The following QTMAN variants were observed in gnomAD, a reference collection of about 807,000 sequenced individuals.
The protein encoded by QTMAN is queuosine-tRNA mannosyltransferase, also known as tRNA-queuosine alpha-mannosyltransferase.
chr2:144,211,074 G>C, the QTMAN span: 1 of 152,224 alleles, frequency 6.6e-6, no homozygotes, highest in South Asian at 2.1e-4. Flanking sequence ...TCATCATCTT[G>C]TCCTTTTCCA....
At chr2:144,019,263 A>G in the QTMAN span, among the ~76,000 whole-genome samples, 3 of 152,252 alleles carry the variant, frequency 2.0e-5, no homozygotes, top group African/African-American at 7.2e-5. Flanking sequence ...AATTCCTACT[A>G]AAATAATGGT....
At chr2:144,011,532 G>T in the QTMAN span, 2 of 697,978 alleles carry the variant, frequency 2.9e-6, no homozygotes, top group Non-Finnish European at 3.5e-6. Flanking sequence ...CAAGCAGTTT[G>T]CTTAATAATA....
the QTMAN span, among the ~76,000 whole-genome samples, chr2:144,292,800 A>G: frequency 6.6e-6 from 1 of 152,228 alleles, no homozygotes; most frequent in Admixed American, 6.5e-5. Flanking sequence ...TGTCTGATTT[A>G]TGGGGAATAA....
chr2:144,249,233 C>T, the QTMAN span, among the ~76,000 whole-genome samples: 1 of 152,136 alleles, frequency 6.6e-6, no homozygotes, highest in Non-Finnish European at 1.5e-5. Context: ...AGAAAACGCT[C>T]ATTTTTGTAT....
At chr2:144,096,968 T>C in the QTMAN span, among the ~76,000 whole-genome samples, 1 of 152,236 alleles carries the variant, frequency 6.6e-6, no homozygotes, top group Non-Finnish European at 1.5e-5. Flanking sequence ...ATCAGTTTTG[T>C]TCATACAGAT....
At chr2:144,182,852 T>TATATATATA in the QTMAN span, among the ~76,000 whole-genome samples, 59 of 60,188 alleles carry the variant, frequency 9.8e-4, no homozygotes, top group African/African-American at 4.1e-3. Context: ...ATATATATAT[T>TATATATATA]TTATATATAA....
chr2:144,084,249 A>G, the QTMAN span, among the ~76,000 whole-genome samples: 1 of 152,318 alleles, frequency 6.6e-6, no homozygotes, highest in East Asian at 1.9e-4. Flanking sequence ...TATCATCCAG[A>G]AGCTAGCTCT....
At chr2:144,292,264 T>C in the QTMAN span, among the ~76,000 whole-genome samples, 1 of 152,218 alleles carries the variant, frequency 6.6e-6, no homozygotes, top group Non-Finnish European at 1.5e-5. Context: ...CCTCTGCTCC[T>C]ATGTGAGACC....
At chr2:144,118,241 G>T in the QTMAN span, among the ~76,000 whole-genome samples, 18 of 152,206 alleles carry the variant, frequency 1.2e-4, no homozygotes, top group Admixed American at 2.0e-4. Context: ...TCAGCAAGTA[G>T]TATCAACTAA....
chr2:144,081,737 A>G, the QTMAN span, among the ~76,000 whole-genome samples: 1 of 152,156 alleles, frequency 6.6e-6, no homozygotes, highest in Non-Finnish European at 1.5e-5. Flanking sequence ...TTCTTGTCAC[A>G]CATCTCCATA....
At chr2:144,131,038 A>G in the QTMAN span, among the ~76,000 whole-genome samples, 1 of 151,968 alleles carries the variant, frequency 6.6e-6, no homozygotes, top group Admixed American at 6.6e-5. Context: ...ATCAATCAGT[A>G]ATAAATGATA....
At chr2:144,080,606 G>A in the QTMAN span, among the ~76,000 whole-genome samples, 5,403 of 152,236 alleles carry the variant, frequency 0.035, 141 homozygotes, top group East Asian at 0.072. Context: ...AGATTAAAAT[G>A]TTGCTCACTG....
At chr2:144,250,960 T>C in the QTMAN span, among the ~76,000 whole-genome samples, 2 of 152,110 alleles carry the variant, frequency 1.3e-5, no homozygotes, top group Admixed American at 6.5e-5. Context: ...TTTTAAACTG[T>C]CATTTAAGTT....
chr2:144,292,003 G>T, the QTMAN span, among the ~76,000 whole-genome samples: 288 of 152,256 alleles, frequency 1.9e-3, 1 homozygote, highest in African/African-American at 6.5e-3. Context: ...TTGAATTCTA[G>T]CTCTGACAAC....
chr2:144,077,997 T>C, the QTMAN span, among the ~76,000 whole-genome samples: 3 of 61,516 alleles, frequency 4.9e-5, no homozygotes, highest in African/African-American at 1.9e-4. Context: ...AAAAATGCCA[T>C]TTGACAAAAA....
At chr2:143,942,376 C>G in the QTMAN span, 1 of 167,240 alleles carries the variant, frequency 6.0e-6, no homozygotes, top group African/African-American at 2.4e-5. Flanking sequence ...CCCACAGATA[C>G]CCGGGAGAAC....
the QTMAN span, among the ~76,000 whole-genome samples, chr2:144,144,439 A>C: frequency 6.6e-6 from 1 of 151,966 alleles, no homozygotes; most frequent in Non-Finnish European, 1.5e-5. Context: ...TGAGGAAAAG[A>C]ATGATGCTAA....
chr2:144,272,917 T>G, the QTMAN span, among the ~76,000 whole-genome samples: 5 of 152,184 alleles, frequency 3.3e-5, no homozygotes, highest in Admixed American at 1.3e-4. Flanking sequence ...AAGCCGCATA[T>G]TTTTTATATT....
chr2:144,265,729 C>G, the QTMAN span, among the ~76,000 whole-genome samples: 1 of 152,042 alleles, frequency 6.6e-6, no homozygotes, highest in Middle Eastern at 3.2e-3. Context: ...TAAGAATGCC[C>G]TCCTCCCACC....
Sources: allele counts gnomAD v4.1 joint callset (sites outside exome capture counted in the v4.1 genomes callset), GRCh38; gene constraint gnomAD v4.1.1; transcripts MANE v1.5; gene names NCBI Gene and HGNC (gene_info 2026-07-23, HGNC 2026-07-21).